SAMD12: variants seen among roughly 807,000 people sequenced by gnomAD.
The protein encoded by SAMD12 is sterile alpha motif domain-containing protein 12.
In SAMD12, 9 loss-of-function variants were observed where a neutral mutation model predicts 15.0. The observed-to-expected ratio is 0.60, with a 90% CI of 0.36 to 1.05. The LOEUF is 1.05. Ranked by LOEUF, SAMD12 falls within the 50% of genes least tolerant of loss-of-function variation. The pLI, the probability that SAMD12 is intolerant of heterozygous loss-of-function variation, is 0.01. For synonymous variants in SAMD12, 86 were observed against 90.1 expected (o/e 0.96, Z 0.25); for missense variants, 230 against 234.2 (o/e 0.98, Z 0.12).
intron 4 of SAMD12, among the ~76,000 whole-genome samples, chr8:118,249,821 T>C (rs1000353917): frequency 2.0e-5 from 3 of 152,122 alleles, no homozygotes; most frequent in Non-Finnish European, 4.4e-5. Context: ...GTAAATGGGA[T>C]TATTTTTCAA....
chr8:118,133,653 T>C, the SAMD12 span, among the ~76,000 whole-genome samples: 1 of 152,232 alleles, frequency 6.6e-6, no homozygotes, highest in Non-Finnish European at 1.5e-5. Context: ...TGTTTCTTTT[T>C]ACCAAACAGC....
At chr8:118,294,368 C>A (rs1434726022) in intron 4 of SAMD12, among the ~76,000 whole-genome samples, 2 of 152,198 alleles carry the variant, frequency 1.3e-5, no homozygotes, top group Non-Finnish European at 1.5e-5. Flanking sequence ...TCAATTTAGG[C>A]ATGCGGCGTC....
chr8:118,353,146 G>C (rs1401892943), intron 4 of SAMD12, among the ~76,000 whole-genome samples: 1 of 150,052 alleles, frequency 6.7e-6, no homozygotes, highest in Non-Finnish European at 1.5e-5. Flanking sequence ...TGATCTTTTT[G>C]TATGTGATGT....
chr8:118,511,799 T>G (rs1563902354), intron 2 of SAMD12, among the ~76,000 whole-genome samples: 1 of 152,226 alleles, frequency 6.6e-6, no homozygotes, highest in Non-Finnish European at 1.5e-5. Flanking sequence ...TCATTTCCCA[T>G]TGTGATGACA....
At chr8:118,146,778 G>A in the SAMD12 span, among the ~76,000 whole-genome samples, 3 of 152,106 alleles carry the variant, frequency 2.0e-5, no homozygotes, top group African/African-American at 4.8e-5. Context: ...ATCACAATAG[G>A]GCCTGGAAAA....
chr8:118,252,330 A>G (rs753777290), intron 4 of SAMD12, among the ~76,000 whole-genome samples: 1 of 152,138 alleles, frequency 6.6e-6, no homozygotes, highest in Non-Finnish European at 1.5e-5. Context: ...GCTCATGTAG[A>G]GAGGGGTCTG....
At chr8:118,163,410 G>C in the SAMD12 span, among the ~76,000 whole-genome samples, 1 of 152,318 alleles carries the variant, frequency 6.6e-6, no homozygotes, top group East Asian at 1.9e-4. Context: ...TGGGTAATAG[G>C]GATGTGATTT....
intron 2 of SAMD12, among the ~76,000 whole-genome samples, chr8:118,479,230 C>T (rs951586161): frequency 6.6e-6 from 1 of 152,160 alleles, no homozygotes; most frequent in African/African-American, 2.4e-5. Flanking sequence ...GCCAGACACA[C>T]TGTGCCTCAG....
At chr8:118,162,417 A>G in the SAMD12 span, among the ~76,000 whole-genome samples, 1 of 151,812 alleles carries the variant, frequency 6.6e-6, no homozygotes, top group Non-Finnish European at 1.5e-5. Flanking sequence ...GAAATCAAAG[A>G]TGACAAGAGA....
intron 2 of SAMD12, among the ~76,000 whole-genome samples, chr8:118,469,220 C>G (rs1823688425): frequency 6.6e-6 from 1 of 151,514 alleles, no homozygotes. Context: ...CCTATCTTAT[C>G]CATGGAAGAG....
At chr8:118,406,709 C>T (rs1821147392) in intron 3 of SAMD12, among the ~76,000 whole-genome samples, 1 of 152,112 alleles carries the variant, frequency 6.6e-6, no homozygotes, top group Non-Finnish European at 1.5e-5. Flanking sequence ...TAGGCCCTGG[C>T]AACTACCATT....
At chr8:118,335,927 G>A (rs923262396) in intron 4 of SAMD12, among the ~76,000 whole-genome samples, 1 of 152,072 alleles carries the variant, frequency 6.6e-6, no homozygotes, top group Non-Finnish European at 1.5e-5. Context: ...TAAAGACGGG[G>A]TTGCCCAGGC....
intron 4 of SAMD12, among the ~76,000 whole-genome samples, chr8:118,202,648 G>GC (rs1317643076): frequency 6.6e-6 from 1 of 152,154 alleles, no homozygotes; most frequent in Non-Finnish European, 1.5e-5. Flanking sequence ...TATCCAGGCA[G>GC]CCCCACGTCT....
intron 4 of SAMD12, among the ~76,000 whole-genome samples, chr8:118,217,319 A>G (rs754894960): frequency 6.6e-5 from 10 of 152,112 alleles, no homozygotes; most frequent in Non-Finnish European, 1.2e-4. Flanking sequence ...CTAACTTTCT[A>G]CTTTCTGCTC....
At chr8:118,276,961 C>T (rs1466029604) in intron 4 of SAMD12, among the ~76,000 whole-genome samples, 3 of 152,202 alleles carry the variant, frequency 2.0e-5, no homozygotes, top group Non-Finnish European at 2.9e-5. Context: ...GTGTGCGCCA[C>T]TCACACACAG....
At chr8:118,519,507 A>G (rs1428440785) in intron 2 of SAMD12, among the ~76,000 whole-genome samples, 1 of 152,200 alleles carries the variant, frequency 6.6e-6, no homozygotes. Context: ...TTTCTAATGA[A>G]TGTAGTACAA....
chr8:118,289,244 T>C (rs1203627228), intron 4 of SAMD12, among the ~76,000 whole-genome samples: 1 of 152,190 alleles, frequency 6.6e-6, no homozygotes, highest in African/African-American at 2.4e-5. Context: ...CCTGGCAACT[T>C]GAATCACCCT....
chr8:118,239,295 A>G (rs1290814993), intron 4 of SAMD12, among the ~76,000 whole-genome samples: 1 of 152,158 alleles, frequency 6.6e-6, no homozygotes, highest in Non-Finnish European at 1.5e-5. Flanking sequence ...TATAGTAGTA[A>G]ATAGGACAGC....
At chr8:118,504,846 C>T (rs543927920) in intron 2 of SAMD12, among the ~76,000 whole-genome samples, 11 of 152,304 alleles carry the variant, frequency 7.2e-5, no homozygotes, top group African/African-American at 2.6e-4. Flanking sequence ...GACAGATTCT[C>T]CCCTAGAGCC....
Sources: allele counts gnomAD v4.1 joint callset (sites outside exome capture counted in the v4.1 genomes callset), GRCh38; gene constraint gnomAD v4.1.1; transcripts MANE v1.5; gene names NCBI Gene and HGNC (gene_info 2026-07-23, HGNC 2026-07-21).